The following TMEM132C variants were observed in gnomAD, a reference collection of about 807,000 sequenced individuals.
The protein encoded by TMEM132C is transmembrane protein 132C.
Under a neutral mutation model 61.4 loss-of-function variants are expected in TMEM132C, and 29 were observed. The observed-to-expected ratio is 0.47, with a 90% confidence interval of 0.35 to 0.64. The LOEUF (loss-of-function observed/expected upper bound fraction) is 0.64, where lower values mean the gene tolerates loss of function less well. Among genes scored for constraint, TMEM132C ranks in the 30% least tolerant of loss-of-function variants. The probability of loss-of-function intolerance (pLI) is 0.00; values close to 1 mark genes in which losing one functional copy is unlikely to be tolerated. For missense variants in TMEM132C, 1,408 were observed against 1,476.9 expected, an observed-to-expected ratio of 0.95 and a Z score of 0.76; for synonymous variants, 656 against 633.1, an observed-to-expected ratio of 1.04 and a Z score of -0.54.
chr12:128,508,566 G>A (rs1046624680), intron 2 of TMEM132C, among the ~76,000 whole-genome samples: 6 of 152,190 alleles, frequency 3.9e-5, no homozygotes, highest in African/African-American at 7.2e-5. Flanking sequence ...CACTTCCTGC[G>A]GCCTCCAAGC....
intron 2 of TMEM132C, among the ~76,000 whole-genome samples, chr12:128,493,231 C>T (rs2136102559): frequency 6.6e-6 from 1 of 152,272 alleles, no homozygotes; most frequent in South Asian, 2.1e-4. Context: ...GTACCAGTAC[C>T]ATGCTGTTTT....
chr12:128,568,088 T>C (rs1053760592), intron 3 of TMEM132C, among the ~76,000 whole-genome samples: 2 of 152,188 alleles, frequency 1.3e-5, no homozygotes, highest in Non-Finnish European at 1.5e-5. Context: ...GTGTGCAGAA[T>C]GGGTTTGTGA....
At chr12:128,572,580 G>A (rs1480694285) in intron 3 of TMEM132C, among the ~76,000 whole-genome samples, 1 of 149,734 alleles carries the variant, frequency 6.7e-6, no homozygotes, top group African/African-American at 2.5e-5. Context: ...ATTTTGGATT[G>A]GTCAGACCTG....
chr12:128,387,277 G>T (rs1874616430), intron 1 of TMEM132C, among the ~76,000 whole-genome samples: 1 of 152,166 alleles, frequency 6.6e-6, no homozygotes, highest in Non-Finnish European at 1.5e-5. Context: ...GTCCTGAGCT[G>T]AGCCTTACCT....
At chr12:128,684,429 T>C (rs75116075) in intron 5 of TMEM132C, among the ~76,000 whole-genome samples, 8,752 of 152,276 alleles carry the variant, frequency 0.057, 452 homozygotes, top group African/African-American at 0.13. Flanking sequence ...AAGTATGACT[T>C]TCTCTGGTCC....
At chr12:128,275,670 G>C (rs1870666082) in intron 1 of TMEM132C, among the ~76,000 whole-genome samples, 1 of 152,004 alleles carries the variant, frequency 6.6e-6, no homozygotes, top group Non-Finnish European at 1.5e-5. Flanking sequence ...TTGCCAAAAA[G>C]GTTGGGGACC....
At chr12:128,676,503 A>C (rs1954588364) in intron 5 of TMEM132C, among the ~76,000 whole-genome samples, 1 of 152,254 alleles carries the variant, frequency 6.6e-6, no homozygotes, top group African/African-American at 2.4e-5. Context: ...TAAGAAAGAA[A>C]GAACTACCTT....
At chr12:128,546,175 AC>A (rs944932734) in intron 3 of TMEM132C, among the ~76,000 whole-genome samples, 1 of 152,200 alleles carries the variant, frequency 6.6e-6, no homozygotes, top group African/African-American at 2.4e-5. Flanking sequence ...GAGGTCAGGG[AC>A]AAGGGTTGGG....
intron 1 of TMEM132C, among the ~76,000 whole-genome samples, chr12:128,334,650 C>T (rs1872749005): frequency 6.6e-6 from 1 of 150,686 alleles, no homozygotes; most frequent in Non-Finnish European, 1.5e-5. Context: ...GGCTGGAGTG[C>T]AGTAGCCCAA....
intron 1 of TMEM132C, among the ~76,000 whole-genome samples, chr12:128,342,062 G>T (rs751436714): frequency 6.6e-6 from 1 of 151,330 alleles, no homozygotes; most frequent in African/African-American, 2.4e-5. Flanking sequence ...ATGCTGGAGT[G>T]CAGTGGCATG....
intron 1 of TMEM132C, among the ~76,000 whole-genome samples, chr12:128,277,468 C>T (rs10744374): frequency 0.31 from 46,673 of 152,122 alleles, 7,710 homozygotes; most frequent in Middle Eastern, 0.39. Context: ...GTTGCAGGGG[C>T]AGATTTTTGG....
intron 2 of TMEM132C, among the ~76,000 whole-genome samples, chr12:128,534,052 A>G (rs12830032): frequency 0.27 from 40,409 of 152,066 alleles, 6,574 homozygotes; most frequent in South Asian, 0.4. Flanking sequence ...TTTCATAAGA[A>G]GATTGTAGCT....
intron 3 of TMEM132C, among the ~76,000 whole-genome samples, chr12:128,558,211 A>G (rs1380919552): frequency 6.6e-6 from 1 of 152,126 alleles, no homozygotes; most frequent in Non-Finnish European, 1.5e-5. Flanking sequence ...CTTGCATTAT[A>G]ATTGTGGCAG....
chr12:128,363,221 A>G (rs1873760311), intron 1 of TMEM132C, among the ~76,000 whole-genome samples: 1 of 152,238 alleles, frequency 6.6e-6, no homozygotes. Flanking sequence ...TAAAACTTAT[A>G]TATTGTTAAA....
chr12:128,304,642 AAAAG>A (rs1006740110), intron 1 of TMEM132C, among the ~76,000 whole-genome samples: 6 of 152,092 alleles, frequency 3.9e-5, no homozygotes, highest in Non-Finnish European at 5.9e-5. Flanking sequence ...AGAAAGAAAA[AAAAG>A]AAAGAGCCTT....
chr12:128,346,820 G>T (rs921507142), intron 1 of TMEM132C, among the ~76,000 whole-genome samples: 1 of 152,136 alleles, frequency 6.6e-6, no homozygotes, highest in Non-Finnish European at 1.5e-5. Flanking sequence ...TTTGTTTCTG[G>T]ACTCTGAATT....
intron 1 of TMEM132C, among the ~76,000 whole-genome samples, chr12:128,344,788 T>C (rs2135957211): frequency 6.6e-6 from 1 of 152,316 alleles, no homozygotes; most frequent in Admixed American, 6.5e-5. Flanking sequence ...ATAGGCCAAT[T>C]AAGAATTGGT....
intron 1 of TMEM132C, among the ~76,000 whole-genome samples, chr12:128,388,014 G>T (rs1431464905): frequency 6.6e-6 from 1 of 152,198 alleles, no homozygotes; most frequent in Non-Finnish European, 1.5e-5. Flanking sequence ...CTGGCTCCTT[G>T]GCCGGCAGGT....
chr12:128,680,117 G>A (rs1470428496), intron 5 of TMEM132C, among the ~76,000 whole-genome samples: 5 of 152,224 alleles, frequency 3.3e-5, no homozygotes, highest in Admixed American at 3.3e-4. Flanking sequence ...GCAGGGCCAG[G>A]TCGTCCAAGG....
Sources: gnomAD v4.1 joint callset for allele counts (sites outside exome capture counted in the v4.1 genomes callset) on GRCh38, gnomAD v4.1.1 for gene constraint, MANE v1.5 for transcripts, NCBI Gene and HGNC (gene_info 2026-07-23, HGNC 2026-07-21) for gene names.